ADGRV1: variants seen among roughly 807,000 people sequenced by gnomAD.
ADGRV1 encodes the protein G-protein coupled receptor 98.
ADGRV1 carries 359 observed loss-of-function variants against 596.2 expected under a neutral mutation model. That is an observed-to-expected ratio of 0.60 (90% CI 0.55 to 0.66). The LOEUF is 0.66. ADGRV1 is among the 30% of genes least tolerant of loss of function. ADGRV1 has a pLI of 0.00. For synonymous variants in ADGRV1, 2,681 were observed against 2,679.2 expected (o/e 1.00, Z -0.02); for missense variants, 7,274 against 7,575.6 (o/e 0.96, Z 1.48).
At chr5:90,818,363 G>A (rs1337028577) in intron 75 of ADGRV1, among the ~76,000 whole-genome samples, 2 of 150,384 alleles carry the variant, frequency 1.3e-5, no homozygotes, top group Non-Finnish European at 3.0e-5. Context: ...TCTGCAAACA[G>A]GGACAATTTG....
intron 70 of ADGRV1, among the ~76,000 whole-genome samples, chr5:90,797,078 A>G (rs1047493599): frequency 9.7e-4 from 147 of 150,928 alleles, no homozygotes; most frequent in African/African-American, 3.5e-3. Flanking sequence ...GGGCAAAATA[A>G]CCAGCTGGCA....
At chr5:90,573,477 A>C (rs1446207221) in intron 1 of ADGRV1, among the ~76,000 whole-genome samples, 2 of 152,180 alleles carry the variant, frequency 1.3e-5, no homozygotes, top group African/African-American at 4.8e-5. Flanking sequence ...CCTGTACAGC[A>C]TGCTACTGTA....
chr5:90,581,530 A>G (rs140546245), intron 1 of ADGRV1, among the ~76,000 whole-genome samples: 205 of 152,254 alleles, frequency 1.3e-3, no homozygotes, highest in African/African-American at 4.8e-3. Flanking sequence ...CTGCAGGTCA[A>G]TTGGAGTTTG....
chr5:91,048,330 C>A (rs1474821336), intron 85 of ADGRV1, among the ~76,000 whole-genome samples: 1 of 152,236 alleles, frequency 6.6e-6, no homozygotes, highest in Non-Finnish European at 1.5e-5. Flanking sequence ...ATTATTCTAG[C>A]TTTCTCTTGT....
At chr5:90,710,411 G>A (rs1486897721) in intron 39 of ADGRV1, among the ~76,000 whole-genome samples, 12 of 152,014 alleles carry the variant, frequency 7.9e-5, no homozygotes, top group Admixed American at 7.9e-4. Context: ...TAAGTTTGGT[G>A]GATAGAATAA....
At chr5:90,929,356 C>G (rs528827133) in intron 83 of ADGRV1, 3 of 153,468 alleles carry the variant, frequency 2.0e-5, no homozygotes, top group Admixed American at 6.5e-5. Flanking sequence ...TTAAGCCGGT[C>G]GGAAAAGCGC....
chr5:90,853,662 T>C, intron 80 of ADGRV1, 129 bp downstream of exon 80: 2 of 798,808 alleles, frequency 2.5e-6, no homozygotes, highest in Non-Finnish European at 3.8e-6. Flanking sequence ...ATGAAATGTG[T>C]TCCATCTTTA....
chr5:91,150,150 G>A lies in ADGRV1; in HGVS notation c.18553G>A (p.Gly6185Arg), dbSNP rs761072870. The A allele has an allele frequency of 1.1e-5, 18 of 1,595,580 alleles. No homozygotes were observed. Among genetic ancestry groups the A allele is most frequent in the Admixed American group, 3.5e-5 (2 of 57,112 alleles). Reference sequence around the variant, plus strand: ...ACCCAGCACAGCCTTTTTCACGCCCGGGAGTGGAATGCCTCCTGCTGGAGG... The same window carrying A: ...ACCCAGCACAGCCTTTTTCACGCCCAGGAGTGGAATGCCTCCTGCTGGAGG... ...PGPSTAFFTP[G>R]SGMPPAGGEI... The change falls in exon 88 of 90, where the codon GGG becomes AGG. Residue 6185 changes from glycine (G) to arginine (R), a missense_variant. Gly to Arg is a moderately radical substitution (Grantham distance 125). This residue lies in a region of ADGRV1 where 1,874 missense variants were observed against 1,970.2 expected (regional missense o/e 0.95). Coordinates refer to ENST00000405460, the MANE Select transcript of ADGRV1 (RefSeq NM_032119.4).
At chr5:90,754,880 A>C (rs1185416782) in intron 54 of ADGRV1, 103 bp from the exon 55 acceptor site, 4 of 741,478 alleles carry the variant, frequency 5.4e-6, no homozygotes, top group Non-Finnish European at 9.0e-6. Context: ...TTTTTCCTTA[A>C]CTGTCTACAA....
chr5:91,076,689 A>G (rs1024142958), intron 86 of ADGRV1, among the ~76,000 whole-genome samples: 4 of 152,264 alleles, frequency 2.6e-5, no homozygotes, highest in Admixed American at 2.6e-4. Flanking sequence ...TTTTTATAAG[A>G]AATATTTTTT....
At chr5:90,753,215 A>G (rs1755459462) in intron 53 of ADGRV1, among the ~76,000 whole-genome samples, 1 of 152,212 alleles carries the variant, frequency 6.6e-6, no homozygotes, top group Admixed American at 6.5e-5. Flanking sequence ...AAAAATCTTT[A>G]AGCTAGTATG....
intron 84 of ADGRV1, among the ~76,000 whole-genome samples, chr5:90,973,945 A>G (rs1027048348): frequency 1.3e-5 from 2 of 152,242 alleles, no homozygotes; most frequent in Non-Finnish European, 1.5e-5. Context: ...TTGTCTATTT[A>G]GAAAACTGCA....
intron 50 of ADGRV1, among the ~76,000 whole-genome samples, chr5:90,736,673 A>G (rs919664994): frequency 6.6e-6 from 1 of 151,774 alleles, no homozygotes; most frequent in South Asian, 2.1e-4. Flanking sequence ...TAGGTTTTCT[A>G]TCTCTTCATG....
At chr5:90,776,282 C>T (rs1226316414) in intron 60 of ADGRV1, among the ~76,000 whole-genome samples, 171 bp from the exon 61 acceptor site, 1 of 152,094 alleles carries the variant, frequency 6.6e-6, no homozygotes, top group Non-Finnish European at 1.5e-5. Context: ...TCTTCAAGAC[C>T]TCAATGTGCT....
intron 82 of ADGRV1, among the ~76,000 whole-genome samples, chr5:90,861,838 T>TA (rs1157760953): frequency 1.3e-5 from 2 of 152,208 alleles, no homozygotes. Flanking sequence ...ATTGTTTCTT[T>TA]AAATTTTAGG....
chr5:90,827,160 A>T (rs1237281070), intron 76 of ADGRV1, among the ~76,000 whole-genome samples: 1 of 152,152 alleles, frequency 6.6e-6, no homozygotes. Flanking sequence ...AAATCATCTT[A>T]TACTAGTTAG....
chr5:90,647,834 G>T, intron 17 of ADGRV1, 70 bp downstream of exon 17: 1 of 1,363,128 alleles, frequency 7.3e-7, no homozygotes, highest in Admixed American at 1.9e-5. Flanking sequence ...AAGCACTGCA[G>T]TCCAATAATG....
intron 83 of ADGRV1, among the ~76,000 whole-genome samples, chr5:90,911,889 A>C (rs1443209646): frequency 6.6e-6 from 1 of 152,078 alleles, no homozygotes; most frequent in Non-Finnish European, 1.5e-5. Context: ...GCTCAGGTTG[A>C]GGACAGATTA....
chr5:90,814,509 G>A (rs1762722928), intron 74 of ADGRV1, among the ~76,000 whole-genome samples: 1 of 152,114 alleles, frequency 6.6e-6, no homozygotes, highest in Non-Finnish European at 1.5e-5. Context: ...TGTGTCAAGG[G>A]TGGGATCTGG....
Sources: allele counts gnomAD v4.1 joint callset (sites outside exome capture counted in the v4.1 genomes callset), GRCh38; gene constraint gnomAD v4.1.1; regional missense constraint gnomAD v4.1.1; transcripts MANE v1.5; gene names NCBI Gene and HGNC (gene_info 2026-07-23, HGNC 2026-07-21).